The following NEDD4L variants were observed in gnomAD, a reference collection of about 807,000 sequenced individuals.
NEDD4L encodes the protein E3 ubiquitin-protein ligase NEDD4-like.
Under a neutral mutation model 148.9 loss-of-function variants are expected in NEDD4L, and 54 were observed. The ratio of observed to expected loss-of-function variants is 0.36; its 90% CI spans 0.29 to 0.45. The LOEUF is 0.45. NEDD4L is among the 20% of genes least tolerant of loss of function. The pLI is 1.00. For missense variants in NEDD4L, 856 were observed against 1,233.8 expected, an observed-to-expected ratio of 0.69 and a Z score of 4.59; for synonymous variants, 433 against 440.7, an observed-to-expected ratio of 0.98 and a Z score of 0.22.
At chr18:58,310,650 A>G (rs2057581533) in intron 5 of NEDD4L, among the ~76,000 whole-genome samples, 1 of 152,212 alleles carries the variant, frequency 6.6e-6, no homozygotes, top group Non-Finnish European at 1.5e-5. Context: ...CCTCTTCCTG[A>G]ACCACAGCCC....
chr18:58,165,628 T>C, intron 1 of NEDD4L, 160 bp from the exon 2 acceptor site: 1 of 1,502,958 alleles, frequency 6.7e-7, no homozygotes, highest in Admixed American at 2.1e-5. Context: ...GAATATTGCT[T>C]TTTGAACTTC....
intron 5 of NEDD4L, chr18:58,255,335 G>A (rs2148556204): frequency 7.8e-6 from 2 of 256,078 alleles, no homozygotes; most frequent in Middle Eastern, 2.4e-3. Flanking sequence ...AAAAAAGAGC[G>A]AGTAGGGGAA....
At chr18:58,237,609 A>G (rs2046182305) in intron 2 of NEDD4L, among the ~76,000 whole-genome samples, 1 of 152,224 alleles carries the variant, frequency 6.6e-6, no homozygotes, top group African/African-American at 2.4e-5. Flanking sequence ...ATTTTTTAAC[A>G]AACTATTTAA....
intron 1 of NEDD4L, among the ~76,000 whole-genome samples, chr18:58,134,243 C>T (rs1290569028): frequency 3.9e-5 from 6 of 152,126 alleles, no homozygotes; most frequent in Non-Finnish European, 5.9e-5. Context: ...TCAGGTGATC[C>T]ATCCGCCTCG....
intron 1 of NEDD4L, among the ~76,000 whole-genome samples, chr18:58,058,560 A>G (rs2082190045): frequency 6.6e-6 from 1 of 152,240 alleles, no homozygotes; most frequent in South Asian, 2.1e-4. Context: ...AGGCAACAGC[A>G]ATTGAATCTG....
intron 24 of NEDD4L, among the ~76,000 whole-genome samples, chr18:58,378,222 G>A (rs1159396296): frequency 1.3e-5 from 2 of 152,208 alleles, no homozygotes; most frequent in Non-Finnish European, 2.9e-5. Context: ...GAAGTGGTTA[G>A]TGGCCCTCCC....
At chr18:58,362,539 GA>G (rs2072216799) in intron 19 of NEDD4L, among the ~76,000 whole-genome samples, 1 of 152,172 alleles carries the variant, frequency 6.6e-6, no homozygotes, top group Non-Finnish European at 1.5e-5. Context: ...AGAGTGGAAG[GA>G]AGTCACTTTT....
chr18:58,101,801 AAGAG>A (rs1568217109), intron 1 of NEDD4L, among the ~76,000 whole-genome samples: 1 of 152,184 alleles, frequency 6.6e-6, no homozygotes, highest in Non-Finnish European at 1.5e-5. Flanking sequence ...ACTGTAAACC[AAGAG>A]AGAGAATGAG....
chr18:58,358,322 A>G (rs545152762), intron 19 of NEDD4L, among the ~76,000 whole-genome samples: 1 of 152,276 alleles, frequency 6.6e-6, no homozygotes, highest in African/African-American at 2.4e-5. Flanking sequence ...AAAACAGTCA[A>G]CTTTTTTCTC....
At chr18:58,359,803 T>C (rs1206815904) in intron 19 of NEDD4L, 5 of 152,234 alleles carry the variant, frequency 3.3e-5, no homozygotes, top group East Asian at 1.9e-4. Context: ...TCAGCACCTC[T>C]GGGGGTGGGA....
chr18:58,365,484 G>C (rs1287134177), intron 20 of NEDD4L, among the ~76,000 whole-genome samples: 1 of 152,154 alleles, frequency 6.6e-6, no homozygotes, highest in Non-Finnish European at 1.5e-5. Flanking sequence ...GCTTTGGGCT[G>C]CTTTCCCCAC....
At chr18:58,165,987 G>T (rs114450422) in intron 2 of NEDD4L, 126 bp downstream of exon 2, 10 of 747,196 alleles carry the variant, frequency 1.3e-5, no homozygotes, top group Non-Finnish European at 2.0e-5. Flanking sequence ...CCCACCTGCA[G>T]GGATTCTGAT....
intron 1 of NEDD4L, among the ~76,000 whole-genome samples, chr18:58,122,272 G>T (rs751226645): frequency 2.0e-5 from 3 of 152,186 alleles, no homozygotes; most frequent in Non-Finnish European, 4.4e-5. Flanking sequence ...GGCCAAGGCG[G>T]GTGGATCACC....
intron 1 of NEDD4L, chr18:58,045,207 G>A (rs1471389143): frequency 7.5e-6 from 3 of 398,184 alleles, no homozygotes; most frequent in African/African-American, 2.1e-5. Flanking sequence ...AAGCCTGTGC[G>A]TGCTTATCCC....
intron 1 of NEDD4L, among the ~76,000 whole-genome samples, chr18:58,111,967 A>G (rs1481608270): frequency 1.3e-5 from 2 of 152,188 alleles, no homozygotes; most frequent in Admixed American, 6.5e-5. Flanking sequence ...GTCCAGTGAT[A>G]GCCATCCTAC....
chr18:58,221,191 C>T (rs2043721371), intron 2 of NEDD4L, among the ~76,000 whole-genome samples: 1 of 152,180 alleles, frequency 6.6e-6, no homozygotes, highest in Admixed American at 6.5e-5. Flanking sequence ...AATGTAGAAG[C>T]TGAGTTAGTT....
chr18:58,246,421 A>C (rs1026913899), intron 3 of NEDD4L, among the ~76,000 whole-genome samples: 2 of 152,196 alleles, frequency 1.3e-5, no homozygotes, highest in African/African-American at 2.4e-5. Context: ...TTTTATGTAC[A>C]TGATTTCATT....
At chr18:58,234,274 C>T (rs1369584490) in intron 2 of NEDD4L, among the ~76,000 whole-genome samples, 23 of 125,830 alleles carry the variant, frequency 1.8e-4, no homozygotes, top group African/African-American at 6.5e-4. Flanking sequence ...CTTCCTCCCT[C>T]CCTTCCCCCC....
chr18:58,076,546 CTT>C (rs1214010479), intron 1 of NEDD4L, among the ~76,000 whole-genome samples: 3 of 152,240 alleles, frequency 2.0e-5, no homozygotes, highest in Non-Finnish European at 4.4e-5. Context: ...GGCCAAAAGA[CTT>C]TTTAAAAATC....
Sources: gnomAD v4.1 joint callset for allele counts (sites outside exome capture counted in the v4.1 genomes callset) on GRCh38, gnomAD v4.1.1 for gene constraint, MANE v1.5 for transcripts, NCBI Gene and HGNC (gene_info 2026-07-23, HGNC 2026-07-21) for gene names.